Variants in CEP83 observed in about 807,000 individuals in gnomAD.
CEP83 encodes centrosomal protein of 83 kDa.
Under a neutral mutation model 101.9 loss-of-function variants are expected in CEP83, and 70 were observed. The ratio of observed to expected loss-of-function variants is 0.69; its 90% CI spans 0.57 to 0.84. The LOEUF is 0.84. CEP83 is among the 40% of genes least tolerant of loss of function. CEP83 has a pLI of 0.00. For missense variants in CEP83, 715 were observed against 787.2 expected, an observed-to-expected ratio of 0.91 and a Z score of 1.10; for synonymous variants, 264 against 267.9, an observed-to-expected ratio of 0.99 and a Z score of 0.14.
At chr12:94,289,584 T>C in the CEP83 span, among the ~76,000 whole-genome samples, 2 of 152,190 alleles carry the variant, frequency 1.3e-5, no homozygotes, top group Non-Finnish European at 2.9e-5. Context: ...TGAGTCACTC[T>C]TAGAAGAGCA....
At chr12:94,343,477 T>C in intron 11 of CEP83, among the ~76,000 whole-genome samples, 1 of 75,586 alleles carries the variant, frequency 1.3e-5, no homozygotes, top group Non-Finnish European at 2.5e-5. Flanking sequence ...TAACTTTTTT[T>C]TTTTTTTTTT....
rs139283841 is a variant in CEP83 at position 94,385,056 on chromosome 12, G to T, written c.550-6014C>A. On this transcript the variant is annotated intron_variant, in intron 6 of 16. Coordinates refer to ENST00000397809, the MANE Select transcript of CEP83 (RefSeq NM_016122.3). ...CTTTTTGTGATATTGCTATGGTAGG[G>T]GATGGGTGGTGTTGCCACCTCATTA... 8.9e-4 allele frequency among the ~76,000 whole-genome samples: 136 copies of T among 152,222 alleles called. 2 individuals carry two copies. The East Asian group carries it at 0.021, about 24-fold the overall frequency.
At chr12:94,307,609 A>C (rs777654928), downstream of CEP83, 2 of 152,042 alleles carry the variant, frequency 1.3e-5, no homozygotes, top group Non-Finnish European at 1.5e-5. Flanking sequence ...ACCTGATTGA[A>C]GCTGTTCTTG....
chr12:94,278,215 A>G, the CEP83 span: 2 of 363,002 alleles, frequency 5.5e-6, no homozygotes, highest in South Asian at 4.1e-5. Context: ...GGCTCAAAAC[A>G]TTAAATAATT....
At chr12:94,362,854 TA>T (rs892782004) in intron 11 of CEP83, among the ~76,000 whole-genome samples, 2 of 152,146 alleles carry the variant, frequency 1.3e-5, no homozygotes, top group Non-Finnish European at 2.9e-5. Context: ...TATTCAGCCA[TA>T]AAAAAGGATG....
chr12:94,294,563 C>G, the CEP83 span: 2 of 1,050,212 alleles, frequency 1.9e-6, no homozygotes, highest in South Asian at 2.6e-5. Context: ...ATATTGTTAA[C>G]CTTTTGTTCT....
chr12:94,321,234 T>G (rs1224051903), intron 14 of CEP83, among the ~76,000 whole-genome samples: 2 of 152,256 alleles, frequency 1.3e-5, no homozygotes, highest in Non-Finnish European at 2.9e-5. Context: ...TTAGGTTCTT[T>G]TTTATACTGG....
intron 1 of CEP83, among the ~76,000 whole-genome samples, chr12:94,437,181 TAA>T (rs748231815): frequency 8.2e-5 from 11 of 134,896 alleles, no homozygotes; most frequent in Non-Finnish European, 9.7e-5. Context: ...CCAACTAAAC[TAA>T]AAAAAAAAAA....
At chr12:94,392,529 A>G (rs2062613720) in intron 6 of CEP83, among the ~76,000 whole-genome samples, 1 of 152,224 alleles carries the variant, frequency 6.6e-6, no homozygotes, top group South Asian at 2.1e-4. Flanking sequence ...TGCCCACAAG[A>G]CAAAGCAGGA....
chr12:94,373,890 G>A (rs2061410143), intron 8 of CEP83, among the ~76,000 whole-genome samples: 1 of 152,188 alleles, frequency 6.6e-6, no homozygotes, highest in Admixed American at 6.5e-5. Context: ...TGGCAGTCAT[G>A]TTTGAAATAT....
chr12:94,458,871 A>G (rs2067913720), intron 1 of CEP83, among the ~76,000 whole-genome samples: 1 of 152,244 alleles, frequency 6.6e-6, no homozygotes, highest in Non-Finnish European at 1.5e-5. Flanking sequence ...AAATCCAGGT[A>G]ACTGTAGGAT....
intron 2 of CEP83, among the ~76,000 whole-genome samples, chr12:94,414,593 G>C (rs1216003340): frequency 6.6e-6 from 1 of 152,166 alleles, no homozygotes; most frequent in Admixed American, 6.5e-5. Context: ...ACAGACTACA[G>C]TATACTGTAA....
At chr12:94,450,196 GA>G (rs2067144875) in intron 1 of CEP83, among the ~76,000 whole-genome samples, 2 of 152,286 alleles carry the variant, frequency 1.3e-5, no homozygotes, top group Non-Finnish European at 2.9e-5. Flanking sequence ...ATTGAGATTG[GA>G]AAGAAAAAGT....
Position 94,412,476 on chromosome 12 carries a change from T to C in CEP83, c.15A>G (p.Thr5=), listed in dbSNP as rs1264885259. ...TGGGAAAAGTGTCCATATCGGTAAA[T>C]GTGCTGACAACCATGTAAAAATAAG... MVVS[T]FTDMDTFPNN... The change falls in exon 3 of 17, where the codon ACA becomes ACG. Residue 5 remains threonine (T), a synonymous_variant. Transcript: ENST00000397809. 6 of 1,612,232 alleles carry C rather than the reference T, an allele frequency of 3.7e-6. No homozygotes were observed. In the East Asian group the frequency reaches 1.3e-4, roughly 36 times the overall value.
intron 1 of CEP83, among the ~76,000 whole-genome samples, chr12:94,446,067 C>A (rs1187014606): frequency 6.6e-6 from 1 of 152,210 alleles, no homozygotes; most frequent in Non-Finnish European, 1.5e-5. Context: ...TATTTTTGAA[C>A]TGCATGATAG....
At chr12:94,407,441 T>C (rs2063611920) in intron 4 of CEP83, among the ~76,000 whole-genome samples, 2 of 152,242 alleles carry the variant, frequency 1.3e-5, no homozygotes, top group Non-Finnish European at 2.9e-5. Context: ...GTGATGTAGC[T>C]GCACAATATC....
At position 94,424,791 on chromosome 12, in the gene CEP83, T is replaced by G. The variant is rs145467361; in HGVS notation, c.-102+10484A>C. On this transcript the variant is annotated intron_variant, in intron 2 of 16. Coordinates refer to ENST00000397809, the MANE Select transcript of CEP83 (RefSeq NM_016122.3). ...GTAGTGCCTGGTTGCAATCCTCGGA[T>G]GTATAGGTTGGTTTTGCTCAGCTGG... is the stretch of plus-strand genomic sequence containing the variant. The G allele has an allele frequency of 6.2e-4, 993 of 1,610,090 alleles. 15 individuals carry two copies. In the East Asian group the frequency reaches 0.02, roughly 33 times the overall value.
At chr12:94,451,485 A>C (rs1383463576) in intron 1 of CEP83, among the ~76,000 whole-genome samples, 1 of 151,362 alleles carries the variant, frequency 6.6e-6, no homozygotes, top group African/African-American at 2.4e-5. Context: ...AAAAAAAAAA[A>C]ACCCAGCTAA....
intron 11 of CEP83, among the ~76,000 whole-genome samples, chr12:94,359,732 C>T (rs367739486): frequency 1.5e-3 from 226 of 152,190 alleles, no homozygotes; most frequent in Middle Eastern, 0.01. Context: ...TAATTCTTCT[C>T]AAACTATTCC....
Sources: allele counts gnomAD v4.1 joint callset (sites outside exome capture counted in the v4.1 genomes callset), GRCh38; gene constraint gnomAD v4.1.1; transcripts MANE v1.5; gene names NCBI Gene and HGNC (gene_info 2026-07-23, HGNC 2026-07-21).